The following BTRC variants were observed in gnomAD, a reference collection of about 807,000 sequenced individuals.
The protein encoded by BTRC is beta-transducin repeat containing E3 ubiquitin protein ligase, also known as F-box/WD repeat-containing protein 1A.
In BTRC, 42 loss-of-function variants were observed where a neutral mutation model predicts 85.5. That is an observed-to-expected ratio of 0.49 (90% CI 0.38 to 0.64). BTRC has a LOEUF of 0.64. Ranked by LOEUF, BTRC falls within the 30% of genes least tolerant of loss-of-function variation. The pLI, the probability that BTRC is intolerant of heterozygous loss-of-function variation, is 0.00. For synonymous variants in BTRC, 255 were observed against 263.3 expected (o/e 0.97, Z 0.30); for missense variants, 594 against 743.5 (o/e 0.80, Z 2.34).
chr10:101,459,768 GTGGT>G (rs960779622), intron 2 of BTRC, among the ~76,000 whole-genome samples: 2 of 152,096 alleles, frequency 1.3e-5, no homozygotes, highest in African/African-American at 4.8e-5. Context: ...TACCCACCCA[GTGGT>G]TATCCATCTA....
At chr10:101,536,498 G>C (rs1439591464) in intron 11 of BTRC, 45 bp from the exon 12 acceptor site, 1 of 1,451,522 alleles carries the variant, frequency 6.9e-7, no homozygotes, top group Non-Finnish European at 9.7e-7. Flanking sequence ...TCCAGGCTTA[G>C]AAAAGAATAC....
At chr10:101,406,859 G>T (rs940897265) in intron 1 of BTRC, among the ~76,000 whole-genome samples, 2 of 152,058 alleles carry the variant, frequency 1.3e-5, no homozygotes, top group Non-Finnish European at 2.9e-5. Flanking sequence ...CTGTTTTTAT[G>T]ATACAGCTTC....
intron 1 of BTRC, among the ~76,000 whole-genome samples, chr10:101,364,006 A>C (rs1942291883): frequency 6.6e-6 from 1 of 152,142 alleles, no homozygotes; most frequent in Non-Finnish European, 1.5e-5. Context: ...GATGATCTAA[A>C]CTTGGCTTAC....
In BTRC at chr10:101,493,103, G is replaced by C. The variant is rs553270544; in HGVS notation, c.324+13646G>C. Among the ~76,000 whole-genome samples the C allele has an allele frequency of 7.2e-5, 11 of 152,148 alleles. No homozygotes were observed. The South Asian group carries it at 2.3e-3, about 32-fold the overall frequency. ...CTTCAATAGAAAATGTGTAGTAAAG[G>C]TTATTTATAAAAGACTAATTGTATC... is the stretch of plus-strand genomic sequence containing the variant. On this transcript the variant is annotated intron_variant, in intron 4 of 14. Coordinates refer to ENST00000370187, the MANE Select transcript of BTRC (RefSeq NM_033637.4).
intron 1 of BTRC, among the ~76,000 whole-genome samples, chr10:101,424,229 T>C (rs1944186800): frequency 1.3e-5 from 2 of 152,068 alleles, no homozygotes; most frequent in African/African-American, 4.8e-5. Flanking sequence ...AGTAAAACTC[T>C]GTCTCAAAGA....
chr10:101,483,366 G>A (rs1157182939), intron 4 of BTRC, among the ~76,000 whole-genome samples: 5 of 152,290 alleles, frequency 3.3e-5, no homozygotes, highest in Admixed American at 2.6e-4. Context: ...AGGCCGAGAC[G>A]GGTGGATCAC....
chr10:101,494,456 G>A (rs997391072), intron 4 of BTRC, among the ~76,000 whole-genome samples: 2 of 152,184 alleles, frequency 1.3e-5, no homozygotes, highest in Non-Finnish European at 2.9e-5. Flanking sequence ...TAAATAAGTT[G>A]ATAGGAAATG....
intron 4 of BTRC, among the ~76,000 whole-genome samples, chr10:101,489,464 T>A (rs1007179704): frequency 6.6e-6 from 1 of 152,208 alleles, no homozygotes; most frequent in Non-Finnish European, 1.5e-5. Context: ...CCTCTCTCGT[T>A]TGACAGTTTC....
intron 1 of BTRC, among the ~76,000 whole-genome samples, chr10:101,390,497 C>CCGGA (rs35875321): frequency 1.6e-5 from 1 of 64,128 alleles, no homozygotes; most frequent in Non-Finnish European, 5.0e-5. Flanking sequence ...GCCACCACGC[C>CCGGA]TAATTTTTTG....
intron 4 of BTRC, among the ~76,000 whole-genome samples, chr10:101,503,305 A>C (rs1946440667): frequency 6.6e-6 from 1 of 152,210 alleles, no homozygotes; most frequent in Non-Finnish European, 1.5e-5. Flanking sequence ...GGTCTTCTAC[A>C]TTTAGTCATA....
intron 13 of BTRC, among the ~76,000 whole-genome samples, chr10:101,545,535 G>A (rs1469826735): frequency 6.6e-6 from 1 of 152,166 alleles, no homozygotes; most frequent in Non-Finnish European, 1.5e-5. Flanking sequence ...GAAGTCATTG[G>A]AGTAGGCCCT....
Position 101,552,434 on chromosome 10 carries a change from C to T in BTRC, c.*32-721C>T, listed in dbSNP as rs982785920. 6.3e-4 allele frequency among the ~76,000 whole-genome samples: 94 copies of T among 150,350 alleles called. 1 individual carries two copies. Among genetic ancestry groups the T allele is most frequent in the African/African-American group, 1.7e-4 (7 of 40,930 alleles). ...TCTCGAACTCCTGAGCTCAAGTGATCCACCTCCCTTGGCCTCCCAAAGTTA... is the reference window on the plus strand; with the variant it reads ...TCTCGAACTCCTGAGCTCAAGTGATTCACCTCCCTTGGCCTCCCAAAGTTA... On this transcript the variant is annotated intron_variant, in intron 14 of 14. Coordinates refer to ENST00000370187, the MANE Select transcript of BTRC (RefSeq NM_033637.4).
In BTRC at chr10:101,554,199, T is replaced by C. The variant is rs1426963296; in HGVS notation, c.*1076T>C. The C allele has an allele frequency of 1.3e-5, 2 of 152,192 alleles. No individual in the cohort carries two copies. Among genetic ancestry groups the C allele is most frequent in the African/African-American group, 4.8e-5 (2 of 41,438 alleles). 9.4% of individuals were successfully genotyped at this position (152,192 alleles called of 1,614,324 possible). On this transcript the variant is annotated 3_prime_UTR_variant, in exon 15 of 15. Coordinates refer to ENST00000370187, the MANE Select transcript of BTRC (RefSeq NM_033637.4). ...CTCTCATTAACAATTGGGTGTGTAA[T>C]AAAAAGCATTGTACTTCATCTTAAA...
rs368430225 is a variant in BTRC, at chr10:101,554,311, A to G, written c.*1188A>G. On this transcript the variant is annotated 3_prime_UTR_variant, in exon 15 of 15. Transcript: ENST00000370187. Reference sequence around the variant, plus strand: ...TTCTGCGTAATGGTTTCCATCTCCGATTTCCTCATCAGGGCCTGTGAATAC... The same window carrying G: ...TTCTGCGTAATGGTTTCCATCTCCGGTTTCCTCATCAGGGCCTGTGAATAC... 2 of 152,296 alleles carry G rather than the reference A, an allele frequency of 1.3e-5. No individual in the cohort carries two copies. The highest frequency in any genetic ancestry group is 4.1e-4 in the South Asian group (2 of 4,820). The allele number at this position is 152,296 out of a possible 1,614,324, so 9.4% of individuals were successfully genotyped here. A position where few individuals can be genotyped will look rare whatever the true frequency, so the allele number is the denominator to read the frequency against.
At chr10:101,511,319 A>T (rs2061950479) in intron 4 of BTRC, among the ~76,000 whole-genome samples, 1 of 152,158 alleles carries the variant, frequency 6.6e-6, no homozygotes, top group African/African-American at 2.4e-5. Context: ...CACAAGACTG[A>T]CATGTCATTC....
rs376106161 is a variant in BTRC, at chr10:101,389,771, C to T, written c.48+35543C>T. ...TCTGGAGTATCTGAGACCACAGGTG[C>T]ACGCCACCATGCCTGGCTAATTTTT... On this transcript the variant is annotated intron_variant, in intron 1 of 14. Transcript: ENST00000370187. Among the ~76,000 whole-genome samples, 6 of 151,908 alleles carry T rather than the reference C, an allele frequency of 3.9e-5. No homozygotes were observed. In the East Asian group the frequency reaches 5.8e-4, roughly 15 times the overall value.
In BTRC at chr10:101,538,383, G is replaced by C. The variant is rs2062418416; in HGVS notation, c.1656+12G>C. 9 of 1,605,102 alleles carry C rather than the reference G, an allele frequency of 5.6e-6. No individual in the cohort carries two copies. Among genetic ancestry groups the C allele is most frequent in the South Asian group, 1.1e-5 (1 of 90,900 alleles). ...TACGGACCCTTGTGGTAAGAGCCTT[G>C]CTGTTTAGAGAGCATTGGAGAGCAG... is the stretch of plus-strand genomic sequence containing the variant. On this transcript the variant is annotated intron_variant, in intron 13 of 14. Coordinates refer to ENST00000370187, the MANE Select transcript of BTRC (RefSeq NM_033637.4).
intron 1 of BTRC, among the ~76,000 whole-genome samples, chr10:101,357,506 A>G (rs980513195): frequency 1.3e-5 from 2 of 151,900 alleles, no homozygotes; most frequent in African/African-American, 4.8e-5. Flanking sequence ...CACAGTACAC[A>G]TGGAAGAACT....
At chr10:101,421,657 T>A (rs1211962935) in intron 1 of BTRC, among the ~76,000 whole-genome samples, 5 of 127,790 alleles carry the variant, frequency 3.9e-5, no homozygotes, top group Non-Finnish European at 7.9e-5. Flanking sequence ...TGATGTGTGA[T>A]GTTCCTCTTC....
Sources: gnomAD v4.1 joint callset for allele counts (sites outside exome capture counted in the v4.1 genomes callset) on GRCh38, gnomAD v4.1.1 for gene constraint, MANE v1.5 for transcripts, NCBI Gene and HGNC (gene_info 2026-07-23, HGNC 2026-07-21) for gene names.